Variants in BLK observed in about 807,000 individuals in gnomAD.
BLK encodes the protein BLK proto-oncogene, Src family tyrosine kinase.
In BLK, 64 loss-of-function variants were observed where a neutral mutation model predicts 61.8. The observed-to-expected ratio is 1.03, with a 90% confidence interval of 0.85 to 1.27. The LOEUF (loss-of-function observed/expected upper bound fraction) is 1.27. BLK is among the 50% of genes most tolerant of loss of function. The pLI is 0.00. For synonymous variants in BLK, 351 were observed against 272.0 expected (o/e 1.29, Z -2.86); for missense variants, 853 against 660.5 (o/e 1.29, Z -3.19).
intron 1 of BLK, among the ~76,000 whole-genome samples, chr8:11,538,174 G>C (rs576227916): frequency 6.6e-6 from 1 of 152,132 alleles, no homozygotes; most frequent in Non-Finnish European, 1.5e-5. Context: ...GCACATAAGT[G>C]TGTATGCTTC....
chr8:11,498,581 A>C (rs1286181650), intron 1 of BLK, among the ~76,000 whole-genome samples: 4 of 152,200 alleles, frequency 2.6e-5, no homozygotes, highest in African/African-American at 9.7e-5. Context: ...GCCACATCTG[A>C]GTGGTCTCGT....
At chr8:11,560,456 A>G (rs1801458342) in intron 10 of BLK, 2 of 240,560 alleles carry the variant, frequency 8.3e-6, no homozygotes, top group Admixed American at 1.0e-4. Flanking sequence ...AAATGCAAGC[A>G]TAAGGAGAAG....
chr8:11,543,327 GC>G lies in BLK; in HGVS notation c.107del (p.Pro36ArgfsTer37), dbSNP rs1800476561. Reference sequence around the variant, plus strand: ...GAAGGTCAGCGCCCAAGACAAGGACGCCCCGCCACTGCCGCCCCTGGTGAGT... The same window carrying G: ...GAAGGTCAGCGCCCAAGACAAGGACGCCCGCCACTGCCGCCCCTGGTGAGT... ...PLKVSAQDKD[A>X]PPLPPLVVFN... On this transcript the variant is annotated frameshift_variant, in exon 2 of 13. Transcript: ENST00000259089. LOFTEE classifies it high-confidence loss of function. 6.2e-7 allele frequency: 1 copy of G among 1,609,654 alleles called. No homozygotes were observed. The highest frequency in any genetic ancestry group is 8.5e-7 in the Non-Finnish European group (1 of 1,178,468).
At chr8:11,562,405 G>A (rs1312159413) in intron 11 of BLK, among the ~76,000 whole-genome samples, 3 of 152,326 alleles carry the variant, frequency 2.0e-5, no homozygotes, top group African/African-American at 7.2e-5. Flanking sequence ...GCTGGCTGGG[G>A]AGACCGAGAA....
chr8:11,543,064 C>T (rs899856091), intron 1 of BLK, among the ~76,000 whole-genome samples, 160 bp from the exon 2 acceptor site: 2 of 152,170 alleles, frequency 1.3e-5, no homozygotes, highest in Admixed American at 6.5e-5. Context: ...TTAGCTCACC[C>T]ACCCGCTTCT....
chr8:11,557,771 T>C, intron 9 of BLK, 191 bp from the exon 10 acceptor site: 1 of 592,216 alleles, frequency 1.7e-6, no homozygotes, highest in South Asian at 1.7e-5. Context: ...CCCGGGGTGC[T>C]GAGACTGGCA....
intron 1 of BLK, among the ~76,000 whole-genome samples, chr8:11,510,193 G>A (rs939599727): frequency 9.8e-5 from 15 of 152,306 alleles, no homozygotes; most frequent in Middle Eastern, 3.4e-3. Context: ...ATGATATGGG[G>A]AGATGAAACA....
chr8:11,500,406 G>A (rs1798513360), intron 1 of BLK, among the ~76,000 whole-genome samples: 1 of 151,874 alleles, frequency 6.6e-6, no homozygotes, highest in Non-Finnish European at 1.5e-5. Flanking sequence ...ATGTTGGCCA[G>A]GCTGGTCTCA....
At chr8:11,545,586 A>G (rs1800596784) in intron 2 of BLK, 1 of 161,078 alleles carries the variant, frequency 6.2e-6, no homozygotes, top group Non-Finnish European at 1.4e-5. Context: ...TTTTGCTAGG[A>G]GCCCTCTTGT....
chr8:11,548,239 C>G (rs944121506), intron 4 of BLK, 114 bp downstream of exon 4: 26 of 888,160 alleles, frequency 2.9e-5, no homozygotes, highest in Admixed American at 1.2e-4. Flanking sequence ...CTCCATCGCC[C>G]TGCCCCCAGC....
At chr8:11,537,338 T>C (rs553602673) in intron 1 of BLK, among the ~76,000 whole-genome samples, 11 of 152,242 alleles carry the variant, frequency 7.2e-5, no homozygotes, top group Admixed American at 3.3e-4. Flanking sequence ...AGCATGGCAT[T>C]GTGATCGCGA....
chr8:11,542,765 A>G (rs1463669716), intron 1 of BLK, among the ~76,000 whole-genome samples: 1 of 152,238 alleles, frequency 6.6e-6, no homozygotes. Flanking sequence ...AACGTTAGTC[A>G]TCTTCTAACA....
intron 9 of BLK, 33 bp downstream of exon 9, chr8:11,556,870 C>A: frequency 6.2e-7 from 1 of 1,607,290 alleles, no homozygotes; most frequent in South Asian, 1.1e-5. Context: ...ATCCTCAGAG[C>A]GAGGCGGGAG....
At chr8:11,507,762 C>A (rs1460330239) in intron 1 of BLK, among the ~76,000 whole-genome samples, 2 of 152,060 alleles carry the variant, frequency 1.3e-5, no homozygotes, top group African/African-American at 2.4e-5. Flanking sequence ...TGGATTAGGA[C>A]TGGAGGGGGA....
intron 3 of BLK, among the ~76,000 whole-genome samples, chr8:11,547,793 G>T (rs1585395702): frequency 6.6e-6 from 1 of 152,208 alleles, no homozygotes; most frequent in East Asian, 1.9e-4. Flanking sequence ...CCTCACACAC[G>T]CCTTGTCCAG....
rs111279369 is a variant in BLK, at chr8:11,559,640, A to G, written c.1029+1602A>G. ...AAAGTCTCGCCAGACCTTTCTTCCAAGGCCAGATCTGGCCAACCCCACAGG... is the reference window on the plus strand; with the variant it reads ...AAAGTCTCGCCAGACCTTTCTTCCAGGGCCAGATCTGGCCAACCCCACAGG... On this transcript the variant is annotated intron_variant, in intron 10 of 12. Transcript: ENST00000259089. The G allele has an allele frequency of 5.7e-5, 23 of 404,726 alleles. 1 individual carries two copies. The highest frequency in any genetic ancestry group is 7.0e-4 in the Middle Eastern group (1 of 1,430). The allele number at this position is 404,726 out of a possible 1,614,324, so 25.1% of individuals were successfully genotyped here. A position where few individuals can be genotyped will look rare whatever the true frequency, so the allele number is the denominator to read the frequency against.
intron 12 of BLK, 74 bp from the exon 13 acceptor site, chr8:11,563,829 G>A: frequency 1.4e-6 from 2 of 1,436,608 alleles, no homozygotes; most frequent in Non-Finnish European, 1.9e-6. Flanking sequence ...ACTGTGCCCC[G>A]CGGGACGCTC....
chr8:11,503,104 G>A (rs556026010), intron 1 of BLK, among the ~76,000 whole-genome samples: 2 of 152,240 alleles, frequency 1.3e-5, no homozygotes, highest in East Asian at 3.9e-4. Context: ...CCAGAGGGAG[G>A]TAAAGACACA....
At chr8:11,556,437 C>A (rs923500717) in intron 8 of BLK, 10 of 601,240 alleles carry the variant, frequency 1.7e-5, no homozygotes, top group African/African-American at 1.7e-4. Context: ...GGTGAAATGC[C>A]CCCCAGGCAG....
Sources: allele counts gnomAD v4.1 joint callset (sites outside exome capture counted in the v4.1 genomes callset), GRCh38; gene constraint gnomAD v4.1.1; transcripts MANE v1.5; gene names NCBI Gene and HGNC (gene_info 2026-07-23, HGNC 2026-07-21).